The following XIRP2 variants were observed in gnomAD, a reference collection of about 807,000 sequenced individuals.
XIRP2 encodes xin actin-binding repeat-containing protein 2.
A neutral mutation model predicts 277.0 loss-of-function variants in XIRP2; 236 were observed. The ratio of observed to expected loss-of-function variants is 0.85; its 90% confidence interval spans 0.77 to 0.95. The LOEUF is 0.95. Among genes scored for constraint, XIRP2 ranks in the 40% least tolerant of loss-of-function variants. XIRP2 has a pLI of 0.00. For synonymous variants in XIRP2, 1,490 were observed against 1,416.5 expected (o/e 1.05, Z -1.17); for missense variants, 4,640 against 4,157.5 (o/e 1.12, Z -3.19).
Position 167,243,955 on chromosome 2 carries a change from G to T in XIRP2, c.2563G>T (p.Glu855Ter). The T allele has an allele frequency of 6.2e-7, 1 of 1,614,016 alleles. No homozygotes were observed. The highest frequency in any genetic ancestry group is 8.5e-7 in the Non-Finnish European group (1 of 1,179,916). The change falls in exon 9 of 11, where the codon GAA becomes TAA. Residue 855 changes from glutamate (E) to a stop codon, truncating the protein, a stop_gained. Coordinates refer to ENST00000409195, the MANE Select transcript of XIRP2 (RefSeq NM_152381.6). LOFTEE classifies it high-confidence loss of function. ...FETQPLDILKEVPDADSLQRE... is the reference protein window; with the variant it reads ...FETQPLDILK Reference sequence around the variant, plus strand: ...AACCCAGCCATTAGACATTCTAAAAGAAGTTCCTGATGCAGATTCTCTACA... The same window carrying T: ...AACCCAGCCATTAGACATTCTAAAATAAGTTCCTGATGCAGATTCTCTACA...
At chr2:167,193,143 GT>G (rs1284203470) in intron 3 of XIRP2, among the ~76,000 whole-genome samples, 1 of 152,140 alleles carries the variant, frequency 6.6e-6, no homozygotes, top group Non-Finnish European at 1.5e-5. Flanking sequence ...TTGCATTTAA[GT>G]CACACCCTTT....
At chr2:167,163,337 C>T (rs1206933572) in intron 3 of XIRP2, among the ~76,000 whole-genome samples, 3 of 152,198 alleles carry the variant, frequency 2.0e-5, no homozygotes, top group Non-Finnish European at 4.4e-5. Flanking sequence ...TTGTGACCAT[C>T]CTTGTTTTAA....
intron 2 of XIRP2, among the ~76,000 whole-genome samples, chr2:166,975,552 AG>A (rs1686688230): frequency 6.6e-6 from 1 of 152,154 alleles, no homozygotes; most frequent in African/African-American, 2.4e-5. Context: ...ATAAATTGTA[AG>A]GGGTCAACAG....
chr2:166,939,114 G>A (rs1425398612), intron 2 of XIRP2, among the ~76,000 whole-genome samples: 1 of 152,160 alleles, frequency 6.6e-6, no homozygotes, highest in African/African-American at 2.4e-5. Context: ...ATAGTTATGT[G>A]TGAATTTGAT....
At chr2:166,996,958 T>A (rs1558941279) in intron 2 of XIRP2, among the ~76,000 whole-genome samples, 1 of 152,176 alleles carries the variant, frequency 6.6e-6, no homozygotes, top group Non-Finnish European at 1.5e-5. Context: ...CTAGATAACA[T>A]TTACACCTTA....
At chr2:167,062,038 G>T (rs767926872) in intron 2 of XIRP2, among the ~76,000 whole-genome samples, 12 of 152,068 alleles carry the variant, frequency 7.9e-5, no homozygotes, top group African/African-American at 1.2e-4. Flanking sequence ...CAGCACCCTC[G>T]ATCGCTTGGC....
At chr2:167,201,256 AAGAAAGAG>A (rs1432336521) in intron 3 of XIRP2, among the ~76,000 whole-genome samples, 51 of 101,274 alleles carry the variant, frequency 5.0e-4, no homozygotes, top group East Asian at 1.1e-3. Flanking sequence ...GAAAGAAAGA[AAGAAAGAG>A]AGAGGGAGAA....
chr2:167,242,710 C>A lies in XIRP2; in HGVS notation c.1318C>A (p.Gln440Lys), dbSNP rs1303164748. Reference sequence around the variant, plus strand: ...CAGTGTCACTTCCTCAACTCTGGCACAAATTAATGCTACTTCTTCAGGAAT... The same window carrying A: ...CAGTGTCACTTCCTCAACTCTGGCAAAAATTAATGCTACTTCTTCAGGAAT... ...DHSVTSSTLA[Q>K]INATSSGMTE... is the part of the protein sequence containing the mutation. Residue 440 changes from glutamine to lysine, a missense_variant, in exon 9 of 11, where the codon CAA becomes AAA. By Grantham distance (53) the Gln-to-Lys change is moderately conservative. Coordinates refer to ENST00000409195, the MANE Select transcript of XIRP2 (RefSeq NM_152381.6). The A allele has an allele frequency of 6.2e-7, 1 of 1,613,988 alleles. No individual in the cohort carries two copies. The highest frequency in any genetic ancestry group is 1.7e-5 in the Admixed American group (1 of 60,008).
At position 167,246,139 on chromosome 2, in the gene XIRP2, GC is replaced by G; in HGVS notation, c.4748del (p.Ala1583GlufsTer5). The G allele has an allele frequency of 6.2e-7, 1 of 1,613,112 alleles. No homozygotes were observed. ...EADEIGDVRMAKYKLMNQASP... is the reference protein window; with the variant it reads ...EADEIGDVRMXKYKLMNQASP... ...TGATGAAATAGGGGATGTTCGAATG[GC>G]AAAATACAAGCTAATGAACCAAGCA... On this transcript the variant is annotated frameshift_variant, in exon 9 of 11. Transcript: ENST00000409195. LOFTEE classifies it high-confidence loss of function.
chr2:167,008,703 AT>A (rs1687572958), intron 2 of XIRP2, among the ~76,000 whole-genome samples: 1 of 151,738 alleles, frequency 6.6e-6, no homozygotes, highest in African/African-American at 2.4e-5. Context: ...GCTTTAAAAA[AT>A]AATCACAAAC....
intron 2 of XIRP2, among the ~76,000 whole-genome samples, chr2:167,004,237 G>A (rs1044365348): frequency 3.3e-5 from 5 of 151,822 alleles, no homozygotes; most frequent in Non-Finnish European, 7.4e-5. Flanking sequence ...TTAGCTGCAG[G>A]TATGCATATG....
rs147254210 is a variant in XIRP2 at position 167,127,111 on chromosome 2, GA to G, written c.409-8797del. Among the ~76,000 whole-genome samples, 188 of 152,232 alleles carry G rather than the reference GA, an allele frequency of 1.2e-3. 1 individual carries two copies. The East Asian group carries it at 0.031, about 25-fold the overall frequency. On this transcript the variant is annotated intron_variant, in intron 2 of 10. Transcript: ENST00000409195. ...TAATTGCCCAAATTTGGGCATATTG[GA>G]GATATTTTTATTGCATTTTTTTCTT... is the stretch of plus-strand genomic sequence containing the variant.
chr2:166,982,195 T>C (rs922034108), intron 2 of XIRP2, among the ~76,000 whole-genome samples: 6 of 152,116 alleles, frequency 3.9e-5, no homozygotes, highest in African/African-American at 4.8e-5. Flanking sequence ...CCATTATTTC[T>C]GATAAAGAGA....
chr2:167,152,766 T>C (rs911747191), intron 3 of XIRP2, among the ~76,000 whole-genome samples: 2 of 152,106 alleles, frequency 1.3e-5, no homozygotes, highest in Non-Finnish European at 2.9e-5. Context: ...CAGAAGCCCA[T>C]TGAGAATTGT....
chr2:167,184,614 A>G lies in XIRP2; in HGVS notation c.563-26121A>G, dbSNP rs770140384. On this transcript the variant is annotated intron_variant, in intron 3 of 10. Coordinates refer to ENST00000409195, the MANE Select transcript of XIRP2 (RefSeq NM_152381.6). ...CCAAAATTGACAAAGACCCCCAAGA[A>G]CAGCCTCAAATCCTCAACTTATATT... The G allele has an allele frequency of 7.0e-6, 5 of 717,234 alleles. No homozygotes were observed. The African/African-American group carries it at 7.0e-5, about 10-fold the overall frequency. The allele number at this position is 717,234 out of a possible 1,614,324, so 44.4% of individuals were successfully genotyped here. A position where few individuals can be genotyped will look rare whatever the true frequency, so the allele number is the denominator to read the frequency against.
chr2:167,248,689 A>T lies in XIRP2; in HGVS notation c.7297A>T (p.Ile2433Leu). 1 of 1,613,804 alleles carries T rather than the reference A, an allele frequency of 6.2e-7. No individual in the cohort carries two copies. The highest frequency in any genetic ancestry group is 8.5e-7 in the Non-Finnish European group (1 of 1,179,814). Residue 2433 changes from isoleucine (I) to leucine (L), a missense_variant, in exon 9 of 11, where the codon ATA (isoleucine) becomes TTA (leucine). By Grantham distance (5) the Ile-to-Leu change is conservative. Coordinates refer to ENST00000409195, the MANE Select transcript of XIRP2 (RefSeq NM_152381.6). ...TLPKPKLPKH[I>L]KDNKNDFSPK... ...GCCCAAACCCAAACTTCCCAAGCAT[A>T]TAAAAGATAATAAGAACGATTTTTC...
At chr2:167,156,552 A>G (rs1433165918) in intron 3 of XIRP2, among the ~76,000 whole-genome samples, 1 of 152,216 alleles carries the variant, frequency 6.6e-6, no homozygotes, top group Non-Finnish European at 1.5e-5. Flanking sequence ...TTTTCAAATT[A>G]TCAGATGCAA....
At chr2:167,027,520 T>A (rs901636608) in intron 2 of XIRP2, among the ~76,000 whole-genome samples, 1 of 152,178 alleles carries the variant, frequency 6.6e-6, no homozygotes, top group Non-Finnish European at 1.5e-5. Flanking sequence ...AAAGTCATTC[T>A]CCATCCAGCT....
chr2:167,258,664 GAAT>G lies in XIRP2; in HGVS notation c.*856_*858del, dbSNP rs780000380. On this transcript the variant is annotated 3_prime_UTR_variant, in exon 11 of 11. Coordinates refer to ENST00000409195, the MANE Select transcript of XIRP2 (RefSeq NM_152381.6). ...AAAATCATAAAGAAAATTTGAATAA[GAAT>G]AATAATAACAATTATGTAGCAGTCT... 6 of 1,611,374 alleles carry G rather than the reference GAAT, an allele frequency of 3.7e-6. No individual in the cohort carries two copies. Among genetic ancestry groups the G allele is most frequent in the South Asian group, 3.3e-5 (3 of 90,766 alleles).
Sources: gnomAD v4.1 joint callset for allele counts (sites outside exome capture counted in the v4.1 genomes callset) on GRCh38, gnomAD v4.1.1 for gene constraint, MANE v1.5 for transcripts, NCBI Gene and HGNC (gene_info 2026-07-23, HGNC 2026-07-21) for gene names.